The following KCNH1 variants were observed in gnomAD, a reference collection of about 807,000 sequenced individuals.
KCNH1 encodes voltage-gated delayed rectifier potassium channel KCNH1.
KCNH1 carries 27 observed loss-of-function variants against 69.2 expected under a neutral mutation model. The ratio of observed to expected loss-of-function variants is 0.39; its 90% CI spans 0.29 to 0.54. KCNH1 has a LOEUF of 0.54. Among genes scored for constraint, KCNH1 ranks in the 20% least tolerant of loss-of-function variants. The pLI is 0.68. For missense variants in KCNH1, 798 were observed against 1,261.6 expected (o/e 0.63, Z 5.57); for synonymous variants, 456 against 487.7 (o/e 0.93, Z 0.86).
intron 6 of KCNH1, among the ~76,000 whole-genome samples, chr1:211,014,888 C>G (rs928267524): frequency 6.6e-6 from 1 of 152,168 alleles, no homozygotes; most frequent in Non-Finnish European, 1.5e-5. Context: ...GAGAAGACAG[C>G]ATATGGTGAA....
chr1:210,834,130 T>C (rs1454040450), intron 7 of KCNH1, among the ~76,000 whole-genome samples: 1 of 152,080 alleles, frequency 6.6e-6, no homozygotes, highest in Non-Finnish European at 1.5e-5. Context: ...AGTGTGGCGA[T>C]TCCTCAGGGA....
Position 211,115,238 on chromosome 1 carries a change from C to T in KCNH1, c.80-7861G>A, listed in dbSNP as rs922623237. On this transcript the variant is annotated intron_variant, in intron 1 of 10. Coordinates refer to ENST00000271751, the MANE Select transcript of KCNH1 (RefSeq NM_172362.3). Reference sequence around the variant, plus strand: ...TCCTAACATCAAGTGATCCACCGGCCTTGGCCTCCCAAAGTGCTGGGATTA... The same window carrying T: ...TCCTAACATCAAGTGATCCACCGGCTTTGGCCTCCCAAAGTGCTGGGATTA... Among the ~76,000 whole-genome samples the T allele has an allele frequency of 2.0e-5, 3 of 152,306 alleles. No homozygotes were observed. In the East Asian group the frequency reaches 5.8e-4, roughly 29 times the overall value.
intron 10 of KCNH1, among the ~76,000 whole-genome samples, chr1:210,703,573 T>C (rs918647261): frequency 2.6e-5 from 4 of 152,230 alleles, no homozygotes; most frequent in African/African-American, 9.6e-5. Flanking sequence ...CTAGTACACA[T>C]TTAATAAATG....
At chr1:210,728,685 A>T (rs1682669836) in intron 10 of KCNH1, among the ~76,000 whole-genome samples, 1 of 152,208 alleles carries the variant, frequency 6.6e-6, no homozygotes, top group Non-Finnish European at 1.5e-5. Context: ...CTGCCACACT[A>T]AATATTGATT....
chr1:211,070,821 C>A (rs377048704), intron 5 of KCNH1, among the ~76,000 whole-genome samples: 96 of 130,322 alleles, frequency 7.4e-4, no homozygotes, highest in Admixed American at 9.3e-4. Context: ...GACTCCATCT[C>A]AAAAAAAAAA....
intron 6 of KCNH1, among the ~76,000 whole-genome samples, chr1:210,991,831 G>A (rs1480706955): frequency 3.9e-5 from 6 of 152,134 alleles, no homozygotes; most frequent in Admixed American, 2.0e-4. Context: ...TTAGCCCTTA[G>A]CACTGCCAGT....
intron 6 of KCNH1, among the ~76,000 whole-genome samples, chr1:210,992,847 C>T (rs1251582047): frequency 6.6e-6 from 1 of 152,070 alleles, no homozygotes; most frequent in Non-Finnish European, 1.5e-5. Context: ...CTTCTCCTAC[C>T]TTTTCTAAAT....
chr1:210,821,717 C>G (rs1194644369), intron 7 of KCNH1, among the ~76,000 whole-genome samples: 1 of 152,110 alleles, frequency 6.6e-6, no homozygotes, highest in African/African-American at 2.4e-5. Flanking sequence ...CATATGCCCT[C>G]TTTGGAAATT....
intron 5 of KCNH1, among the ~76,000 whole-genome samples, chr1:211,034,068 C>T (rs1689849496): frequency 6.6e-6 from 1 of 152,176 alleles, no homozygotes; most frequent in African/African-American, 2.4e-5. Context: ...TATGACCTAG[C>T]AATTACACTC....
chr1:211,053,010 T>TA (rs1313546053), intron 5 of KCNH1, among the ~76,000 whole-genome samples: 2 of 152,188 alleles, frequency 1.3e-5, no homozygotes, highest in African/African-American at 2.4e-5. Flanking sequence ...GTGTAGTTCA[T>TA]AAAAAAATAG....
At chr1:210,728,663 C>T (rs139236939) in intron 10 of KCNH1, among the ~76,000 whole-genome samples, 6 of 152,216 alleles carry the variant, frequency 3.9e-5, no homozygotes, top group Admixed American at 3.9e-4. Flanking sequence ...ACACAGCCAT[C>T]CAGGGACGCA....
intron 7 of KCNH1, among the ~76,000 whole-genome samples, chr1:210,847,928 A>T (rs950238638): frequency 1.3e-5 from 2 of 152,158 alleles, no homozygotes; most frequent in Non-Finnish European, 2.9e-5. Flanking sequence ...TCAGAGATGA[A>T]GAGTGGAAGA....
intron 7 of KCNH1, among the ~76,000 whole-genome samples, chr1:210,875,828 G>C (rs1686363764): frequency 6.6e-6 from 1 of 150,842 alleles, no homozygotes; most frequent in African/African-American, 2.4e-5. Context: ...TAAATCAATA[G>C]CATTACTCTG....
chr1:210,692,612 T>C (rs770645229), intron 10 of KCNH1, among the ~76,000 whole-genome samples: 3 of 152,074 alleles, frequency 2.0e-5, no homozygotes, highest in African/African-American at 7.2e-5. Context: ...CAAGATGAGA[T>C]CATCCTGCAT....
chr1:211,005,351 A>G (rs964530700), intron 6 of KCNH1, among the ~76,000 whole-genome samples: 1 of 152,132 alleles, frequency 6.6e-6, no homozygotes, highest in Non-Finnish European at 1.5e-5. Context: ...AGAAATAAAA[A>G]CGTTAAAATT....
chr1:210,956,626 C>T (rs1688183182), intron 6 of KCNH1, among the ~76,000 whole-genome samples: 2 of 147,218 alleles, frequency 1.4e-5, no homozygotes, highest in South Asian at 4.5e-4. Flanking sequence ...TCCACTTCTT[C>T]CTGGTTTAGT....
At chr1:210,889,571 A>C (rs1223033134) in intron 7 of KCNH1, among the ~76,000 whole-genome samples, 1 of 152,228 alleles carries the variant, frequency 6.6e-6, no homozygotes, top group Non-Finnish European at 1.5e-5. Flanking sequence ...CAGGCAAGAG[A>C]AAGAAATAAA....
At chr1:211,120,558 T>C (rs566165693) in intron 1 of KCNH1, among the ~76,000 whole-genome samples, 2 of 152,202 alleles carry the variant, frequency 1.3e-5, no homozygotes, top group East Asian at 1.9e-4. Context: ...ATATATATTA[T>C]AGACAATTTG....
chr1:210,753,986 C>T (rs145295642), intron 10 of KCNH1, among the ~76,000 whole-genome samples: 3,452 of 151,346 alleles, frequency 0.023, 104 homozygotes, highest in East Asian at 0.14. Context: ...GCTATCTTGG[C>T]TCACTGCAAG....
Sources: gnomAD v4.1 joint callset for allele counts (sites outside exome capture counted in the v4.1 genomes callset) on GRCh38, gnomAD v4.1.1 for gene constraint, MANE v1.5 for transcripts, NCBI Gene and HGNC (gene_info 2026-07-23, HGNC 2026-07-21) for gene names.